SDF2: variants seen among roughly 807,000 people sequenced by gnomAD.
The protein encoded by SDF2 is stromal cell derived factor 2, also known as stromal cell-derived factor 2.
SDF2 carries 12 observed loss-of-function variants against 20.5 expected under a neutral mutation model. The observed-to-expected ratio is 0.58, with a 90% CI of 0.37 to 0.95. The LOEUF (loss-of-function observed/expected upper bound fraction) is 0.95. Ranked by LOEUF, SDF2 falls within the 40% of genes least tolerant of loss-of-function variation. SDF2 has a pLI of 0.01. For missense variants in SDF2, 238 were observed against 263.1 expected, an observed-to-expected ratio of 0.90 and a Z score of 0.66; for synonymous variants, 100 against 101.0, an observed-to-expected ratio of 0.99 and a Z score of 0.06.
intron 2 of SDF2, 91 bp downstream of exon 2, chr17:28,655,196 A>G (rs1050758174): frequency 1.0e-5 from 13 of 1,238,342 alleles, no homozygotes; most frequent in Non-Finnish European, 1.3e-5. Context: ...GAACATCTAC[A>G]CCTAGAAAAG....
intron 2 of SDF2, among the ~76,000 whole-genome samples, chr17:28,650,253 C>T (rs2071902366): frequency 6.6e-6 from 1 of 151,904 alleles, no homozygotes; most frequent in African/African-American, 2.4e-5. Context: ...TGCCCGGCCA[C>T]TCCAGTGTTG....
rs182324373 is a variant in SDF2 at position 28,656,889 on chromosome 17, G to A, written c.152-1406C>T. ...AATGAGACTATGTTGCCAACTTTAAGCAGCCATTACAGCTCCCAACTCCCA... is the reference window on the plus strand; with the variant it reads ...AATGAGACTATGTTGCCAACTTTAAACAGCCATTACAGCTCCCAACTCCCA... On this transcript the variant is annotated intron_variant, in intron 1 of 2. Coordinates refer to ENST00000247020, the MANE Select transcript of SDF2 (RefSeq NM_006923.4). Among the ~76,000 whole-genome samples, 793 of 152,232 alleles carry A rather than the reference G, an allele frequency of 5.2e-3. 7 individuals are homozygous for A. The highest frequency in any genetic ancestry group is 0.018 in the African/African-American group (736 of 41,526).
chr17:28,652,145 G>A (rs1395561312), intron 2 of SDF2, among the ~76,000 whole-genome samples: 2 of 151,674 alleles, frequency 1.3e-5, no homozygotes, highest in East Asian at 1.9e-4. Context: ...AGTAGCCACT[G>A]CACTCCAGCC....
At chr17:28,656,148 A>T (rs1002608413) in intron 1 of SDF2, 1 of 152,174 alleles carries the variant, frequency 6.6e-6, no homozygotes, top group Non-Finnish European at 1.5e-5. Context: ...CAACATTAAA[A>T]TATTTATAAA....
intron 2 of SDF2, among the ~76,000 whole-genome samples, chr17:28,653,817 A>G (rs2071933701): frequency 6.7e-6 from 1 of 150,266 alleles, no homozygotes; most frequent in African/African-American, 2.4e-5. Flanking sequence ...CTCAAAAAAC[A>G]AAACAAAACA....
intron 1 of SDF2, 41 bp from the exon 2 acceptor site, chr17:28,655,524 T>C (rs781201315): frequency 5.9e-6 from 9 of 1,512,842 alleles, no homozygotes; most frequent in East Asian, 2.3e-5. Context: ...TTCTCTGCCA[T>C]GGACAACATG....
Position 28,649,365 on chromosome 17 carries a change from T to C in SDF2, c.349-89A>G, listed in dbSNP as rs1002304477. On this transcript the variant is annotated intron_variant, in intron 2 of 2. Coordinates refer to ENST00000247020, the MANE Select transcript of SDF2 (RefSeq NM_006923.4). ...CAATGGGAAGAAAAAGAAGGCCACC[T>C]TGAAGTAAAAAATCAGAGGGGCCAG... is the stretch of plus-strand genomic sequence containing the variant. 11 of 1,289,328 alleles carry C rather than the reference T, an allele frequency of 8.5e-6. No homozygotes were observed. In the African/African-American group the frequency reaches 1.6e-4, roughly 19 times the overall value. 79.9% of individuals were successfully genotyped at this position (1,289,328 alleles called of 1,614,324 possible). A position where few individuals can be genotyped will look rare whatever the true frequency, so the allele number is the denominator to read the frequency against.
At position 28,649,207 on chromosome 17, in the gene SDF2, G is replaced by A. The variant is rs1332509962; in HGVS notation, c.418C>T (p.Pro140Ser). 2 of 1,614,150 alleles carry A rather than the reference G, an allele frequency of 1.2e-6. No homozygotes were observed. Among genetic ancestry groups the A allele is most frequent in the Non-Finnish European group, 1.7e-6 (2 of 1,180,014 alleles). ...LDDWTVLCNG[P>S]YWVRDGEVRF... ...ACCTCACCATCTCTCACCCAGTAGG[G>A]TCCATTACAGAGCACTGTCCAGTCA... Residue 140 changes from proline (P) to serine (S), a missense_variant, in exon 3 of 3, where the codon CCC becomes TCC. By Grantham distance (74) the Pro-to-Ser change is moderately conservative (BLOSUM62 -1). Transcript: ENST00000247020.
At chr17:28,655,149 C>A (rs114475845) in intron 2 of SDF2, 138 bp downstream of exon 2, 5 of 819,706 alleles carry the variant, frequency 6.1e-6, no homozygotes, top group South Asian at 1.8e-5. Context: ...AAAACCCACA[C>A]AAAAATAGAG....
chr17:28,657,497 G>A (rs1195535471), intron 1 of SDF2, among the ~76,000 whole-genome samples: 9 of 151,746 alleles, frequency 5.9e-5, no homozygotes, highest in Admixed American at 2.6e-4. Flanking sequence ...TCCCAGGCTC[G>A]GGTGATCCTC....
intron 2 of SDF2, among the ~76,000 whole-genome samples, chr17:28,653,117 CAT>C (rs2071928465): frequency 6.6e-6 from 1 of 152,132 alleles, no homozygotes; most frequent in South Asian, 2.1e-4. Context: ...GTGAAATGCA[CAT>C]AGTGACTTTC....
At chr17:28,661,557 C>T (rs1041931273) in intron 1 of SDF2, among the ~76,000 whole-genome samples, 169 bp downstream of exon 1, 1 of 152,138 alleles carries the variant, frequency 6.6e-6, no homozygotes, top group Non-Finnish European at 1.5e-5. Flanking sequence ...GGTGGTGTTG[C>T]GATTAAGATG....
At position 28,661,812 on chromosome 17, in the gene SDF2, C is replaced by A. The variant is rs771323474; in HGVS notation, c.65G>T (p.Gly22Val). 1.9e-5 allele frequency: 30 copies of A among 1,614,138 alleles called. No individual in the cohort carries two copies. The highest frequency in any genetic ancestry group is 2.5e-5 in the Non-Finnish European group (29 of 1,180,016). Residue 22 changes from glycine (G) to valine (V), a missense_variant, in exon 1 of 3, where the codon GGT (glycine) becomes GTT (valine). Physicochemically the swap from Gly to Val is moderately radical, Grantham distance 109 (BLOSUM62 -3). Transcript: ENST00000247020. ...LWSAVGASSLGVVTCGSVVKL... is the reference protein window; with the variant it reads ...LWSAVGASSLVVVTCGSVVKL... Reference sequence around the variant, plus strand: ...CACCACGGAGCCGCAAGTAACGACACCCAGGCTGGACGCTCCCACAGCGCT... The same window carrying A: ...CACCACGGAGCCGCAAGTAACGACAACCAGGCTGGACGCTCCCACAGCGCT...
chr17:28,661,625 C>T, intron 1 of SDF2, 101 bp downstream of exon 1: 2 of 1,330,398 alleles, frequency 1.5e-6, no homozygotes, highest in Non-Finnish European at 2.1e-6. Context: ...CCAGGGAACC[C>T]CTAACTTTCC....
chr17:28,650,222 G>C (rs1473524256), intron 2 of SDF2, among the ~76,000 whole-genome samples: 1 of 152,004 alleles, frequency 6.6e-6, no homozygotes, highest in African/African-American at 2.4e-5. Flanking sequence ...AAAGTGCTGG[G>C]ATTACAGGCA....
chr17:28,658,533 G>C (rs1373180836), intron 1 of SDF2, among the ~76,000 whole-genome samples: 1 of 152,182 alleles, frequency 6.6e-6, no homozygotes, highest in Non-Finnish European at 1.5e-5. Context: ...ATTTAACCCT[G>C]AGTTGACACA....
chr17:28,661,232 A>T, intron 1 of SDF2: 1 of 443,554 alleles, frequency 2.3e-6, no homozygotes, highest in African/African-American at 2.0e-5. Flanking sequence ...TGGAAGACAA[A>T]GGGTTGTAGT....
At chr17:28,652,930 A>C (rs2071927290) in intron 2 of SDF2, among the ~76,000 whole-genome samples, 2 of 152,248 alleles carry the variant, frequency 1.3e-5, no homozygotes, top group African/African-American at 2.4e-5. Flanking sequence ...AACAAAATAT[A>C]GTAGCATTAG....
intron 1 of SDF2, chr17:28,661,083 TA>T (rs11385140): frequency 0.13 from 38,763 of 309,678 alleles, no homozygotes; most frequent in South Asian, 0.17. Context: ...TTTCAAACGC[TA>T]AAAAAAAAAA....
Sources: allele counts gnomAD v4.1 joint callset (sites outside exome capture counted in the v4.1 genomes callset), GRCh38; gene constraint gnomAD v4.1.1; transcripts MANE v1.5; gene names NCBI Gene and HGNC (gene_info 2026-07-23, HGNC 2026-07-21).